The following MBD6 variants were observed in gnomAD, a reference collection of about 807,000 sequenced individuals.
The protein encoded by MBD6 is methyl-CpG-binding domain protein 6.
A neutral mutation model predicts 66.8 loss-of-function variants in MBD6; 22 were observed. That is an observed-to-expected ratio of 0.33 (90% CI 0.24 to 0.47). The LOEUF (loss-of-function observed/expected upper bound fraction) is 0.47. Among genes scored for constraint, MBD6 ranks in the 20% least tolerant of loss-of-function variants. The probability of loss-of-function intolerance (pLI) is 1.00; values close to 1 mark genes in which losing one functional copy is unlikely to be tolerated. For missense variants in MBD6, 1,322 were observed against 1,286.9 expected (o/e 1.03, Z -0.42); for synonymous variants, 540 against 534.6 (o/e 1.01, Z -0.14).
intron 12 of MBD6, 55 bp downstream of exon 12, chr12:57,529,064 G>T (rs1879323509): frequency 1.2e-6 from 2 of 1,613,268 alleles, no homozygotes; most frequent in African/African-American, 2.7e-5. Context: ...GGATGAGGCG[G>T]CAGGAGGAAA....
At position 57,527,667 on chromosome 12, in the gene MBD6, CTGAG is replaced by C. The variant is rs1565668356; in HGVS notation, c.2236+8_2236+11del. ...CTGGGTGCCAGCCTGCTGGGTGAGT[CTGAG>C]GGAGTGTGAATTCACACTCTTGGTG... On this transcript the variant is annotated splice_region_variant and intron_variant, in intron 8 of 12. Coordinates refer to ENST00000355673, the MANE Select transcript of MBD6 (RefSeq NM_052897.4). 1 of 1,580,368 alleles carries C rather than the reference CTGAG, an allele frequency of 6.3e-7. No homozygotes were observed. Among genetic ancestry groups the C allele is most frequent in the Non-Finnish European group, 8.6e-7 (1 of 1,164,422 alleles).
At position 57,524,716 on chromosome 12, in the gene MBD6, G is replaced by C; in HGVS notation, c.114-4G>C. ...CCATGTCCTCTGACCCTGTCCTCTC[G>C]CAGTCCAAGTGGCACAGAGCTGTCT... is the stretch of plus-strand genomic sequence containing the variant. On this transcript the variant is annotated splice_region_variant and splice_polypyrimidine_tract_variant and intron_variant, in intron 3 of 12. Coordinates refer to ENST00000355673, the MANE Select transcript of MBD6 (RefSeq NM_052897.4). The C allele has an allele frequency of 2.5e-6, 4 of 1,613,964 alleles. No homozygotes were observed. Among genetic ancestry groups the C allele is most frequent in the Non-Finnish European group, 3.4e-6 (4 of 1,179,914 alleles).
At position 57,528,950 on chromosome 12, in the gene MBD6, A is replaced by G. The variant is rs746204898; in HGVS notation, c.2878A>G (p.Thr960Ala). ...RRGRRRKYNP[T>A]RNSNSSRQDI... ...CATCTGTGCCCCTTATTGCAGCCCTACCCGGAACAGCAATAGCTCCCGCCA... is the reference window on the plus strand; with the variant it reads ...CATCTGTGCCCCTTATTGCAGCCCTGCCCGGAACAGCAATAGCTCCCGCCA... The change falls in exon 12 of 13, where the codon ACC (threonine) becomes GCC (alanine). Residue 960 changes from threonine to alanine, a missense_variant. Thr to Ala is a moderately conservative substitution (Grantham distance 58). Transcript: ENST00000355673. The G allele has an allele frequency of 1.9e-6, 3 of 1,613,984 alleles. No homozygotes were observed. The highest frequency in any genetic ancestry group is 1.7e-5 in the Admixed American group (1 of 60,010).
chr12:57,522,594 G>A, upstream of MBD6: 1 of 151,908 alleles, frequency 6.6e-6, no homozygotes, highest in African/African-American at 2.4e-5. Context: ...GTTCTCTTGG[G>A]GATTAATGGG....
At chr12:57,524,449 A>G (rs1215094785) in intron 3 of MBD6, 33 bp downstream of exon 3, 14 of 1,524,310 alleles carry the variant, frequency 9.2e-6, no homozygotes, top group Non-Finnish European at 1.2e-5. Context: ...AAGCTCTGCC[A>G]CTCCAGTTGC....
upstream of MBD6, chr12:57,522,022 C>T (rs781422433): frequency 6.6e-6 from 1 of 152,206 alleles, no homozygotes; most frequent in East Asian, 1.9e-4. Context: ...AAACGCACCA[C>T]CCAGAATGCA....
At chr12:57,522,330 T>C (rs772853844), upstream of MBD6, among the ~76,000 whole-genome samples, 3 of 152,212 alleles carry the variant, frequency 2.0e-5, no homozygotes, top group Non-Finnish European at 4.4e-5. Context: ...TGAGGTCGTG[T>C]TGTGACATGT....
rs1879089789 is a variant in MBD6, at chr12:57,527,524, C to T, written c.2100C>T (p.Ala700=). 1 of 1,614,062 alleles carries T rather than the reference C, an allele frequency of 6.2e-7. No individual in the cohort carries two copies. The highest frequency in any genetic ancestry group is 8.5e-7 in the Non-Finnish European group (1 of 1,180,012). Residue 700 remains alanine (A), a synonymous_variant, in exon 8 of 13, where the codon GCC becomes GCT. Coordinates refer to ENST00000355673, the MANE Select transcript of MBD6 (RefSeq NM_052897.4). The stretch of plus-strand genomic sequence containing the variant: ...TTTCTTAGCCCTGTGTCCTGAGTGC[C>T]CCCCAACCTGGACCACCTACCTCCA... ...GTPPQPCVLS[A]PQPGPPTSSV... is the part of the protein sequence containing the mutation.
At position 57,524,961 on chromosome 12, in the gene MBD6, C is replaced by A. The variant is rs748435842; in HGVS notation, c.225C>A (p.Asn75Lys). 6.2e-7 allele frequency: 1 copy of A among 1,601,310 alleles called. No individual in the cohort carries two copies. Among genetic ancestry groups the A allele is most frequent in the Non-Finnish European group, 8.5e-7 (1 of 1,172,024 alleles). ...TGCTTTCCACCTTACAGGTTTTCAA[C>A]TTTGACCCTTTGGCCCCGGTGACCC... ...ECPLNVPKVF[N>K]FDPLAPVTPG... The change falls in exon 5 of 13, where the codon AAC (asparagine) becomes AAA (lysine). Residue 75 changes from asparagine (N) to lysine (K), a missense_variant. Transcript: ENST00000355673.
Position 57,528,321 on chromosome 12 carries a change from G to A in MBD6, c.2581G>A (p.Gly861Arg). 6.2e-7 allele frequency: 1 copy of A among 1,608,884 alleles called. No individual in the cohort carries two copies. Among genetic ancestry groups the A allele is most frequent in the Non-Finnish European group, 8.5e-7 (1 of 1,177,482 alleles). Residue 861 changes from glycine (G) to arginine (R), a missense_variant, in exon 10 of 13, where the codon GGA becomes AGA. By Grantham distance (125) the Gly-to-Arg change is moderately radical. Coordinates refer to ENST00000355673, the MANE Select transcript of MBD6 (RefSeq NM_052897.4). ...GRGSGKRGRR[G>R]GGGLRGINGE... ...GGGGTCAGGGAAACGGGGCCGGAGG[G>A]GAGGAGGGGGACTTAGGGGCATTAA...
rs1879034570 is a variant in MBD6 at position 57,527,071 on chromosome 12, A to C, written c.1926A>C (p.Ala642=). ...CAGCTGGGGATGGGGAGGGATCTGC[A>C]GAGGGAGCCGGGGGTCCAAGTGGGG... The part of the protein sequence containing the change: ...GPTAGDGEGS[A]EGAGGPSGEP... Residue 642 remains alanine (A), a synonymous_variant, in exon 7 of 13, where the codon GCA becomes GCC. Coordinates refer to ENST00000355673, the MANE Select transcript of MBD6 (RefSeq NM_052897.4). 8.1e-6 allele frequency: 13 copies of C among 1,605,608 alleles called. No homozygotes were observed. The highest frequency in any genetic ancestry group is 1.1e-5 in the Non-Finnish European group (13 of 1,174,430).
chr12:57,524,645 A>C, intron 3 of MBD6, 75 bp from the exon 4 acceptor site: 1 of 1,351,322 alleles, frequency 7.4e-7, no homozygotes, highest in Non-Finnish European at 1.1e-6. Context: ...TCTGTAACTT[A>C]AGCACTGTGC....
chr12:57,526,309 A>C lies in MBD6; in HGVS notation c.1341A>C (p.Ser447=). ...AHLPPPPTLS[S]GSPPQPRHPI... ...TTCCTCCTCCCCCAACCCTCTCCTC[A>C]GGGAGCCCTCCCCAGCCCAGGCACC... Residue 447 remains serine (S), a synonymous_variant, in exon 6 of 13, where the codon TCA becomes TCC. Transcript: ENST00000355673. The C allele has an allele frequency of 6.2e-7, 1 of 1,612,604 alleles. No individual in the cohort carries two copies. The highest frequency in any genetic ancestry group is 1.1e-5 in the South Asian group (1 of 90,954).
At position 57,527,159 on chromosome 12, in the gene MBD6, A is replaced by T; in HGVS notation, c.2014A>T (p.Thr672Ser). The T allele has an allele frequency of 7.0e-7, 1 of 1,419,522 alleles. No homozygotes were observed. The allele number at this position is 1,419,522 out of a possible 1,614,324, so 87.9% of individuals were successfully genotyped here. Residue 672 changes from threonine to serine, a missense_variant, in exon 7 of 13, where the codon ACC (threonine) becomes TCC (serine). Physicochemically the swap from Thr to Ser is moderately conservative, Grantham distance 58. Coordinates refer to ENST00000355673, the MANE Select transcript of MBD6 (RefSeq NM_052897.4). The part of the protein sequence containing the change: ...LLFPPLSAPP[T>S]LIALNSALLA... The stretch of plus-strand genomic sequence containing the variant: ...TTTCCCCCCACTTTCAGCCCCCCCT[A>T]CCCTCATAGCTTTAAATTCTGCGCT...
At chr12:57,522,409 C>G (rs1039413340), upstream of MBD6, among the ~76,000 whole-genome samples, 2 of 152,150 alleles carry the variant, frequency 1.3e-5, no homozygotes, top group African/African-American at 2.4e-5. Flanking sequence ...CAGGGCAAGT[C>G]GCGACTTTCA....
chr12:57,527,753 C>T (rs1879121777), intron 8 of MBD6, 93 bp downstream of exon 8: 1 of 1,555,076 alleles, frequency 6.4e-7, no homozygotes, highest in South Asian at 1.2e-5. Context: ...GGAAGAAAGT[C>T]TTTGGCCACT....
intron 8 of MBD6, 86 bp from the exon 9 acceptor site, chr12:57,527,762 C>A: frequency 6.4e-7 from 1 of 1,557,148 alleles, no homozygotes; most frequent in Non-Finnish European, 8.7e-7. Context: ...TCTTTGGCCA[C>A]TGGATAAAGC....
chr12:57,522,225 T>C (rs960686089), upstream of MBD6, among the ~76,000 whole-genome samples: 9 of 152,096 alleles, frequency 5.9e-5, no homozygotes, highest in African/African-American at 1.9e-4. Flanking sequence ...TCTCTGAAAA[T>C]GGGGGTAGTG....
In MBD6 at chr12:57,529,523, C is replaced by CT; in HGVS notation, c.*291dup. 5.7e-6 allele frequency: 2 copies of CT among 349,512 alleles called. No individual in the cohort carries two copies. The highest frequency in any genetic ancestry group is 1.0e-5 in the Non-Finnish European group (2 of 190,642). The allele number at this position is 349,512 out of a possible 1,614,324, so 21.7% of individuals were successfully genotyped here. A position where few individuals can be genotyped will look rare whatever the true frequency, so the allele number is the denominator to read the frequency against. Reference sequence around the variant, plus strand: ...CACCAGGCGCTAAGGGGAACACCCCCTTCCCCAGGTCTTTTATTTGTTTAA... The same window carrying CT: ...CACCAGGCGCTAAGGGGAACACCCCCTTTCCCCAGGTCTTTTATTTGTTTAA... On this transcript the variant is annotated 3_prime_UTR_variant, in exon 13 of 13. Coordinates refer to ENST00000355673, the MANE Select transcript of MBD6 (RefSeq NM_052897.4).
Sources: gnomAD v4.1 joint callset for allele counts (sites outside exome capture counted in the v4.1 genomes callset) on GRCh38, gnomAD v4.1.1 for gene constraint, MANE v1.5 for transcripts, NCBI Gene and HGNC (gene_info 2026-07-23, HGNC 2026-07-21) for gene names.